Variants in PRKAG2 observed in about 807,000 individuals in gnomAD.
PRKAG2 encodes protein kinase AMP-activated non-catalytic subunit gamma 2.
A neutral mutation model predicts 69.6 loss-of-function variants in PRKAG2; 26 were observed. The ratio of observed to expected loss-of-function variants is 0.37; its 90% CI spans 0.27 to 0.52. PRKAG2 has a LOEUF of 0.52. Among genes scored for constraint, PRKAG2 ranks in the 20% least tolerant of loss-of-function variants. The pLI is 0.90. For missense variants in PRKAG2, 557 were observed against 740.0 expected, an observed-to-expected ratio of 0.75 and a Z score of 2.87; for synonymous variants, 293 against 285.0, an observed-to-expected ratio of 1.03 and a Z score of -0.28.
intron 15 of PRKAG2, chr7:151,558,515 G>A: frequency 1.0e-6 from 1 of 960,518 alleles, no homozygotes. Flanking sequence ...CTTACATTCA[G>A]ACAGCGCTCG....
chr7:151,809,165 T>C (rs921249788), intron 1 of PRKAG2: 1 of 447,370 alleles, frequency 2.2e-6, no homozygotes, highest in Non-Finnish European at 4.5e-6. Context: ...AATGCCTGCC[T>C]TGGGTCTTGG....
intron 4 of PRKAG2, among the ~76,000 whole-genome samples, chr7:151,657,424 G>T (rs1829602386): frequency 6.6e-6 from 1 of 152,126 alleles, no homozygotes; most frequent in African/African-American, 2.4e-5. Context: ...ATAGGTCTTG[G>T]CTCAGGCTAG....
chr7:151,621,850 C>G (rs6967822), intron 5 of PRKAG2, among the ~76,000 whole-genome samples: 14,835 of 152,246 alleles, frequency 0.097, 962 homozygotes, highest in Middle Eastern at 0.16. Flanking sequence ...GCTGGGATTA[C>G]AGGCGTGAAC....
intron 3 of PRKAG2, among the ~76,000 whole-genome samples, chr7:151,726,942 G>A (rs1798074479): frequency 2.0e-5 from 3 of 152,112 alleles, no homozygotes; most frequent in African/African-American, 7.2e-5. Context: ...CTGGCTGGGC[G>A]CGGTGGCTCA....
At chr7:151,821,053 G>GTAGAAGAGAGCCTCCAACCTCACAGAC (rs1216334379) in intron 1 of PRKAG2, among the ~76,000 whole-genome samples, 2 of 151,932 alleles carry the variant, frequency 1.3e-5, no homozygotes, top group African/African-American at 2.4e-5. Flanking sequence ...CAGAAGGAAA[G>GTAGAAGAGAGCCTCCAACCTCACAGAC]CTGTGGAGAC....
rs57092732 is a variant in PRKAG2 at position 151,844,984 on chromosome 7, G to A, written c.114+31523C>T. Among the ~76,000 whole-genome samples, 203 of 152,208 alleles carry A rather than the reference G, an allele frequency of 1.3e-3. 2 individuals carry two copies. The highest frequency in any genetic ancestry group is 4.6e-3 in the African/African-American group (193 of 41,532). ...GGGGACGTCACAGCTCCTCTTCTCG[G>A]TGCTGTTGAAAAGAGTGTATGCGGA... On this transcript the variant is annotated intron_variant, in intron 1 of 15. Coordinates refer to ENST00000287878, the MANE Select transcript of PRKAG2 (RefSeq NM_016203.4).
chr7:151,661,909 TA>T (rs1298351212), intron 4 of PRKAG2, among the ~76,000 whole-genome samples: 1 of 152,218 alleles, frequency 6.6e-6, no homozygotes, highest in Non-Finnish European at 1.5e-5. Context: ...CAGCTAAAGT[TA>T]ATGCTTTTCT....
chr7:151,679,696 C>T (rs939150602), intron 3 of PRKAG2, among the ~76,000 whole-genome samples: 5 of 152,158 alleles, frequency 3.3e-5, no homozygotes, highest in African/African-American at 1.2e-4. Flanking sequence ...AGGGGCCAGC[C>T]ACAGAGATCT....
At chr7:151,747,484 A>G (rs1355721624) in intron 3 of PRKAG2, among the ~76,000 whole-genome samples, 1 of 152,112 alleles carries the variant, frequency 6.6e-6, no homozygotes, top group African/African-American at 2.4e-5. Flanking sequence ...TTGAACCTGG[A>G]AGGCGGGGTT....
intron 1 of PRKAG2, among the ~76,000 whole-genome samples, chr7:151,822,025 C>T (rs2078796439): frequency 6.6e-6 from 1 of 152,186 alleles, no homozygotes; most frequent in Non-Finnish European, 1.5e-5. Flanking sequence ...CCAGTGCGTT[C>T]CAGTGCCGCG....
chr7:151,751,907 T>A (rs1007164436), intron 3 of PRKAG2, among the ~76,000 whole-genome samples: 2 of 152,160 alleles, frequency 1.3e-5, no homozygotes, highest in African/African-American at 4.8e-5. Context: ...CATGCACACG[T>A]AAACACTATT....
chr7:151,677,026 G>A (rs1585693637), intron 3 of PRKAG2, among the ~76,000 whole-genome samples: 1 of 152,196 alleles, frequency 6.6e-6, no homozygotes, highest in Non-Finnish European at 1.5e-5. Flanking sequence ...CCAACACCTC[G>A]ATTTTGAACT....
At chr7:151,564,371 C>T (rs1805750812) in intron 13 of PRKAG2, 147 bp from the exon 14 acceptor site, 4 of 772,930 alleles carry the variant, frequency 5.2e-6, no homozygotes, top group Non-Finnish European at 8.6e-6. Context: ...TTCTTTCTGG[C>T]TTACGACATG....
intron 6 of PRKAG2, among the ~76,000 whole-genome samples, chr7:151,591,387 C>T (rs193254296): frequency 3.0e-4 from 46 of 152,328 alleles, no homozygotes; most frequent in Admixed American, 6.5e-4. Context: ...CTGGCCCATG[C>T]GCTGATAGCG....
At position 151,614,740 on chromosome 7, in the gene PRKAG2, C is replaced by A. The variant is rs1190555183; in HGVS notation, c.754+17329G>T. Among the ~76,000 whole-genome samples, 1 of 152,242 alleles carries A rather than the reference C, an allele frequency of 6.6e-6. No homozygotes were observed. The highest frequency in any genetic ancestry group is 1.5e-5 in the Non-Finnish European group (1 of 68,040). On this transcript the variant is annotated intron_variant, in intron 5 of 15. Transcript: ENST00000287878. The surrounding 1 kb of genome is among the most constrained non-coding windows in gnomAD (Gnocchi z 4.4). ...TCAGCACCATGGAATGGGACTCCAC[C>A]TGGGCCTTCTGAGTCCCCATCACCA... is the stretch of plus-strand genomic sequence containing the variant.
rs77389131 is a variant in PRKAG2, at chr7:151,701,886, G to C, written c.467-26249C>G. On this transcript the variant is annotated intron_variant, in intron 3 of 15. Transcript: ENST00000287878. ...ATAAGGATTGCCGAGAACTGCCAGA[G>C]GCCAGGAGGCAGGTGGGGAGCAGGT... 3.1e-3 allele frequency among the ~76,000 whole-genome samples: 465 copies of C among 151,486 alleles called. 3 individuals carry two copies. Among genetic ancestry groups the C allele is most frequent in the African/African-American group, 0.011 (440 of 41,196 alleles).
intron 3 of PRKAG2, among the ~76,000 whole-genome samples, chr7:151,760,719 T>C (rs1399265716): frequency 6.6e-6 from 1 of 152,054 alleles, no homozygotes. Flanking sequence ...CACTACCCAC[T>C]CTCTCGCTCT....
At chr7:151,831,030 A>T (rs2079014629) in intron 1 of PRKAG2, among the ~76,000 whole-genome samples, 1 of 152,028 alleles carries the variant, frequency 6.6e-6, no homozygotes, top group African/African-American at 2.4e-5. Context: ...CCACAATGAG[A>T]CACCACTTCA....
chr7:151,692,429 G>A (rs1835816389), intron 3 of PRKAG2, among the ~76,000 whole-genome samples: 1 of 152,168 alleles, frequency 6.6e-6, no homozygotes, highest in South Asian at 2.1e-4. Context: ...AAAAGTCAGT[G>A]TTTGCTGAGG....
Sources: allele counts gnomAD v4.1 joint callset (sites outside exome capture counted in the v4.1 genomes callset), GRCh38; gene constraint gnomAD v4.1.1; non-coding constraint Gnocchi (gnomAD v3.1); transcripts MANE v1.5; gene names NCBI Gene and HGNC (gene_info 2026-07-23, HGNC 2026-07-21).